Variants in EAF2 observed in about 807,000 individuals in gnomAD.
EAF2 encodes the protein ELL-associated factor 2.
In EAF2, 29 loss-of-function variants were observed where a neutral mutation model predicts 29.4. The observed-to-expected ratio is 0.99, with a 90% CI of 0.73 to 1.35. The LOEUF (loss-of-function observed/expected upper bound fraction) is 1.35. Ranked by LOEUF, EAF2 falls within the 40% of genes most tolerant of loss-of-function variation. EAF2 has a pLI of 0.00. For missense variants in EAF2, 292 were observed against 312.0 expected (o/e 0.94, Z 0.48); for synonymous variants, 103 against 102.5 (o/e 1.00, Z -0.03).
At chr3:121,864,004 C>A (rs1402649486) in intron 4 of EAF2, among the ~76,000 whole-genome samples, 1 of 152,076 alleles carries the variant, frequency 6.6e-6, no homozygotes, top group African/African-American at 2.4e-5. Context: ...AAGATGTCAC[C>A]AATTCCATAG....
intron 5 of EAF2, among the ~76,000 whole-genome samples, chr3:121,883,171 C>A (rs907382568): frequency 6.6e-6 from 1 of 152,020 alleles, no homozygotes; most frequent in Admixed American, 6.5e-5. Context: ...TTAAGAAAAA[C>A]AAAACAACAT....
chr3:121,844,697 C>A, intron 2 of EAF2, 150 bp downstream of exon 2: 3 of 429,366 alleles, frequency 7.0e-6, no homozygotes, highest in East Asian at 4.1e-5. Flanking sequence ...CTACTTTAGG[C>A]AAAAAAAACT....
rs1559812769 is a variant in EAF2, at chr3:121,835,410, G to A, written c.106+19G>A. On this transcript the variant is annotated intron_variant, in intron 1 of 5. Coordinates refer to ENST00000273668, the MANE Select transcript of EAF2 (RefSeq NM_018456.6). Reference sequence around the variant, plus strand: ...GTGCGCTGTGAGTGAGGACCATCCGGGGATAGAGGGGGAGCCTCCCGGGAT... The same window carrying A: ...GTGCGCTGTGAGTGAGGACCATCCGAGGATAGAGGGGGAGCCTCCCGGGAT... The A allele has an allele frequency of 6.2e-7, 1 of 1,607,960 alleles. No homozygotes were observed. The highest frequency in any genetic ancestry group is 8.5e-7 in the Non-Finnish European group (1 of 1,174,792).
At chr3:121,876,197 CAGACACTCTT>C (rs1352057361) in intron 5 of EAF2, among the ~76,000 whole-genome samples, 1 of 151,836 alleles carries the variant, frequency 6.6e-6, no homozygotes, top group Non-Finnish European at 1.5e-5. Flanking sequence ...AGTCTGACAG[CAGACACTCTT>C]AGCTAGATAG....
At chr3:121,838,535 C>T (rs368762137) in intron 1 of EAF2, among the ~76,000 whole-genome samples, 1 of 152,060 alleles carries the variant, frequency 6.6e-6, no homozygotes, top group Non-Finnish European at 1.5e-5. Context: ...TTTATTAATC[C>T]TAACAGTAGA....
At chr3:121,877,515 T>C in intron 5 of EAF2, among the ~76,000 whole-genome samples, 1 of 152,028 alleles carries the variant, frequency 6.6e-6, no homozygotes, top group South Asian at 2.1e-4. Flanking sequence ...ATGAACATAT[T>C]ATGATTATAA....
At chr3:121,867,268 AAGACAT>A (rs1233434385) in intron 4 of EAF2, among the ~76,000 whole-genome samples, 5 of 152,210 alleles carry the variant, frequency 3.3e-5, no homozygotes, top group Non-Finnish European at 7.3e-5. Flanking sequence ...AGTTTTATGA[AAGACAT>A]AAACCCACAG....
rs1553726214 is a variant in EAF2 at position 121,845,462 on chromosome 3, A to AAGAAC, written c.201+915_201+916insAGAAC. The stretch of plus-strand genomic sequence containing the variant: ...TCTCAAAAAAAAAAAAAAAAAAAAA[A>AAGAAC]GAAAGAAAGAAAAAGAAAAAGAAAA... On this transcript the variant is annotated intron_variant, in intron 2 of 5. Coordinates refer to ENST00000273668, the MANE Select transcript of EAF2 (RefSeq NM_018456.6). Among the ~76,000 whole-genome samples the AAGAAC allele has an allele frequency of 2.8e-3, 399 of 140,310 alleles. 4 individuals carry two copies. The highest frequency in any genetic ancestry group is 7.2e-3 in the Middle Eastern group (2 of 276). 92.0% of individuals were successfully genotyped at this position (140,310 alleles called of 152,430 possible). A position where few individuals can be genotyped will look rare whatever the true frequency, so the allele number is the denominator to read the frequency against.
rs1181062159 is a variant in EAF2, at chr3:121,873,275, C to T, written c.736+487C>T. The T allele has an allele frequency of 2.1e-5, 10 of 470,564 alleles. No homozygotes were observed. In the South Asian group the frequency reaches 2.2e-4, roughly 10 times the overall value. The allele number at this position is 470,564 out of a possible 1,614,324, so 29.1% of individuals were successfully genotyped here. On this transcript the variant is annotated intron_variant, in intron 5 of 5. Transcript: ENST00000273668. ...TGTCCAAAACCAACTCATAATCAAT[C>T]TTTGGCTCACTGTGTTACCTCTTAG... is the stretch of plus-strand genomic sequence containing the variant.
At chr3:121,882,431 A>T (rs1709204015) in intron 5 of EAF2, among the ~76,000 whole-genome samples, 2 of 152,100 alleles carry the variant, frequency 1.3e-5, no homozygotes, top group African/African-American at 4.8e-5. Flanking sequence ...ATAAAAGTTA[A>T]TTACCAAAAA....
At chr3:121,860,148 C>G (rs536690723) in intron 4 of EAF2, among the ~76,000 whole-genome samples, 29 of 152,314 alleles carry the variant, frequency 1.9e-4, no homozygotes, top group African/African-American at 6.3e-4. Flanking sequence ...TTTGTTGTCT[C>G]TGCCAGGCTT....
intron 2 of EAF2, among the ~76,000 whole-genome samples, chr3:121,845,298 C>A (rs934731365): frequency 6.6e-6 from 1 of 151,614 alleles, no homozygotes; most frequent in East Asian, 1.9e-4. Context: ...ATTAGCCAGT[C>A]GTGGTAGTGG....
chr3:121,856,584 T>C (rs1195588611), intron 3 of EAF2, among the ~76,000 whole-genome samples: 1 of 152,162 alleles, frequency 6.6e-6, no homozygotes, highest in Non-Finnish European at 1.5e-5. Flanking sequence ...TGGGCTCAAA[T>C]GATCCTCCCA....
At chr3:121,850,492 T>G (rs1708612367) in intron 2 of EAF2, among the ~76,000 whole-genome samples, 2 of 152,224 alleles carry the variant, frequency 1.3e-5, no homozygotes, top group South Asian at 4.1e-4. Context: ...TTTTCCTACC[T>G]CTATCAAGTG....
chr3:121,854,587 T>C, intron 2 of EAF2, 100 bp from the exon 3 acceptor site: 1 of 996,440 alleles, frequency 1.0e-6, no homozygotes, highest in Non-Finnish European at 1.4e-6. Flanking sequence ...TGACTTGAAG[T>C]ATAACATAGA....
rs1167466790 is a variant in EAF2 at position 121,840,515 on chromosome 3, A to AAAAAAAAAAAAAC, written c.107-3932_107-3931insAAAAAACAAAAAA. 6.8e-4 allele frequency among the ~76,000 whole-genome samples: 67 copies of AAAAAAAAAAAAAC among 97,948 alleles called. 4 individuals are homozygous for AAAAAAAAAAAAAC. Among genetic ancestry groups the AAAAAAAAAAAAAC allele is most frequent in the South Asian group, 1.7e-3 (5 of 2,860 alleles). 64.3% of individuals were successfully genotyped at this position (97,948 alleles called of 152,430 possible). ...AAAAAAAAAAAAAAAAAAAGAAAAA[A>AAAAAAAAAAAAAC]AAAAAACGGGCCGGGTGCGGTGGCT... On this transcript the variant is annotated intron_variant, in intron 1 of 5. Coordinates refer to ENST00000273668, the MANE Select transcript of EAF2 (RefSeq NM_018456.6).
At chr3:121,873,280 G>A in intron 5 of EAF2, 1 of 463,158 alleles carries the variant, frequency 2.2e-6, no homozygotes, top group Non-Finnish European at 3.8e-6. Flanking sequence ...TCAATCTTTG[G>A]CTCACTGTGT....
intron 5 of EAF2, among the ~76,000 whole-genome samples, chr3:121,878,611 A>G (rs576414982): frequency 6.6e-6 from 1 of 152,174 alleles, no homozygotes; most frequent in South Asian, 2.1e-4. Flanking sequence ...TCTCCATGAG[A>G]TAGACTTTAT....
At position 121,835,382 on chromosome 3, in the gene EAF2, A is replaced by G. The variant is rs775341753; in HGVS notation, c.97A>G (p.Thr33Ala). Residue 33 changes from threonine to alanine, a missense_variant, in exon 1 of 6, where the codon ACT becomes GCT. Physicochemically the swap from Thr to Ala is moderately conservative, Grantham distance 58 (BLOSUM62 0). Transcript: ENST00000273668. ...GAAGCAGCCGCGCTGCGCCTTCCAC[A>G]CTGTGCGCTGTGAGTGAGGACCATC... is the stretch of plus-strand genomic sequence containing the variant. ...FEKQPRCAFH[T>A]VRYDFKPASI... The G allele has an allele frequency of 9.3e-6, 15 of 1,613,914 alleles. No individual in the cohort carries two copies. In the South Asian group the frequency reaches 1.4e-4, roughly 15 times the overall value.
Sources: allele counts gnomAD v4.1 joint callset (sites outside exome capture counted in the v4.1 genomes callset), GRCh38; gene constraint gnomAD v4.1.1; transcripts MANE v1.5; gene names NCBI Gene and HGNC (gene_info 2026-07-23, HGNC 2026-07-21).